MILR1: variants seen among roughly 807,000 people sequenced by gnomAD.
MILR1 encodes allergin-1.
In MILR1, 31 loss-of-function variants were observed where a neutral mutation model predicts 18.5. The ratio of observed to expected loss-of-function variants is 1.68; its 90% confidence interval spans 1.26 to 2.26. The LOEUF (loss-of-function observed/expected upper bound fraction) is 2.26. Among genes scored for constraint, MILR1 ranks in the 30% most tolerant of loss-of-function variants. The probability of loss-of-function intolerance (pLI) is 0.00; values close to 1 mark genes in which losing one functional copy is unlikely to be tolerated. For synonymous variants in MILR1, 85 were observed against 56.2 expected, an observed-to-expected ratio of 1.51 and a Z score of -2.30; for missense variants, 257 against 157.4, an observed-to-expected ratio of 1.63 and a Z score of -3.38.
the MILR1 span, chr17:64,483,004 G>A: frequency 6.4e-7 from 1 of 1,553,348 alleles, no homozygotes; most frequent in Non-Finnish European, 8.9e-7. Flanking sequence ...AAGTACCTAA[G>A]GCAATTAAAT....
At chr17:64,489,134 G>C in the MILR1 span, among the ~76,000 whole-genome samples, 1 of 149,414 alleles carries the variant, frequency 6.7e-6, no homozygotes, top group Non-Finnish European at 1.5e-5. Flanking sequence ...TGCTACAAAA[G>C]GTAAGGAAGT....
At position 64,466,653 on chromosome 17, in the gene MILR1, A is replaced by G. The variant is rs1555663344; in HGVS notation, c.970A>G (p.Arg324Gly). Residue 324 changes from arginine to glycine, a missense_variant, in exon 8 of 10, where the codon AGA (arginine) becomes GGA (glycine). Coordinates refer to ENST00000619286, the MANE Select transcript of MILR1 (RefSeq NM_001085423.2). The part of the protein sequence containing the change: ...ATPVFQEVAP[R>G]EQEACDSYKS... ...CCCCGTGTTCCAGGAGGTGGCACCA[A>G]GAGAGCAAGGTGAGCCACAGGTTGG... 1 of 1,607,718 alleles carries G rather than the reference A, an allele frequency of 6.2e-7. No individual in the cohort carries two copies. Among genetic ancestry groups the G allele is most frequent in the Admixed American group, 1.7e-5 (1 of 58,878 alleles).
the MILR1 span, chr17:64,482,870 A>G: frequency 3.7e-6 from 4 of 1,084,668 alleles, no homozygotes; most frequent in South Asian, 5.0e-5. Context: ...GCGTTTTTGG[A>G]TAATACTCAA....
downstream of MILR1, among the ~76,000 whole-genome samples, chr17:64,472,631 T>G (rs1555664818): frequency 6.6e-6 from 1 of 152,194 alleles, no homozygotes; most frequent in Admixed American, 6.5e-5. Flanking sequence ...TTAGACACAT[T>G]TAGATACACA....
At chr17:64,480,431 G>A in the MILR1 span, 1 of 921,406 alleles carries the variant, frequency 1.1e-6, no homozygotes. Context: ...AAGAAATAAT[G>A]GTAGCTAGAG....
the MILR1 span, chr17:64,481,248 T>C: frequency 1.0e-6 from 1 of 984,240 alleles, no homozygotes; most frequent in African/African-American, 1.7e-5. Context: ...TGCCATACCC[T>C]GGGAGAAAAT....
chr17:64,485,766 C>T, the MILR1 span: 1 of 1,613,316 alleles, frequency 6.2e-7, no homozygotes, highest in East Asian at 2.2e-5. Flanking sequence ...AAGGAGTTCT[C>T]TGTCAGCTGG....
the MILR1 span, among the ~76,000 whole-genome samples, chr17:64,493,379 T>C: frequency 1.3e-5 from 2 of 152,208 alleles, no homozygotes; most frequent in East Asian, 3.9e-4. Context: ...ATGGTGCCAC[T>C]GTGCTCCAGC....
downstream of MILR1, among the ~76,000 whole-genome samples, chr17:64,470,458 T>A (rs990337701): frequency 1.2e-4 from 18 of 152,182 alleles, no homozygotes; most frequent in Admixed American, 8.5e-4. Context: ...TGGTAAAAAA[T>A]TTTATGTTAT....
the MILR1 span, chr17:64,485,686 A>G: frequency 6.5e-7 from 1 of 1,528,094 alleles, no homozygotes; most frequent in South Asian, 1.1e-5. Flanking sequence ...ACAAACCCAT[A>G]TTTTTAGTTT....
chr17:64,485,560 T>C, the MILR1 span: 2 of 641,348 alleles, frequency 3.1e-6, no homozygotes, highest in Non-Finnish European at 2.7e-6. Context: ...TGTGAGAACC[T>C]GATTCTTATT....
chr17:64,475,917 G>A, the MILR1 span, among the ~76,000 whole-genome samples: 79 of 147,296 alleles, frequency 5.4e-4, no homozygotes, highest in Admixed American at 4.4e-3. Context: ...GGGTTCAAGC[G>A]ATTCTCCTGC....
At chr17:64,494,234 T>C in the MILR1 span, among the ~76,000 whole-genome samples, 1 of 152,348 alleles carries the variant, frequency 6.6e-6, no homozygotes, top group African/African-American at 2.4e-5. Context: ...ATTTGTCTGA[T>C]TGTTTCCTTA....
At chr17:64,491,393 G>A in the MILR1 span, 18 of 619,202 alleles carry the variant, frequency 2.9e-5, no homozygotes, top group Middle Eastern at 4.9e-4. Flanking sequence ...TTAGGACTTC[G>A]AGACCAGCCT....
At position 64,464,283 on chromosome 17, in the gene MILR1, A is replaced by AT. The variant is rs1296195048; in HGVS notation, c.764-1155dup. On this transcript the variant is annotated intron_variant, in intron 5 of 9. Coordinates refer to ENST00000619286, the MANE Select transcript of MILR1 (RefSeq NM_001085423.2). ...AGGCGCGCACCACCATGCCTGGCTA[A>AT]TTTTTTTTTTTTTTGTAGGTTTCAC... Among the ~76,000 whole-genome samples the AT allele has an allele frequency of 6.5e-3, 877 of 133,928 alleles. 10 individuals carry two copies. Among genetic ancestry groups the AT allele is most frequent in the African/African-American group, 0.017 (605 of 35,896 alleles). The allele number at this position is 133,928 out of a possible 152,430, so 87.9% of individuals were successfully genotyped here.
intron 4 of MILR1, 74 bp from the exon 5 acceptor site, chr17:64,460,748 C>T (rs2037413139): frequency 2.2e-6 from 1 of 463,430 alleles, no homozygotes; most frequent in South Asian, 7.1e-5. Context: ...ATCACCTTTT[C>T]TAAAACACTT....
chr17:64,496,501 G>A, the MILR1 span: 1 of 1,613,026 alleles, frequency 6.2e-7, no homozygotes, highest in African/African-American at 1.3e-5. Context: ...TGTCTTGCAA[G>A]ATTTCGCGTA....
chr17:64,463,186 T>G lies in MILR1; in HGVS notation c.763+2254T>G, dbSNP rs982778443. ...AGTTACAGCTTTTTTAAAAAAATGT[T>G]TTTTAGAGACGGGGTCTCACTGTGT... On this transcript the variant is annotated intron_variant, in intron 5 of 9. Transcript: ENST00000619286. 1.7e-3 allele frequency among the ~76,000 whole-genome samples: 264 copies of G among 152,176 alleles called. 1 individual carries two copies. The highest frequency in any genetic ancestry group is 6.2e-3 in the African/African-American group (257 of 41,530).
chr17:64,455,282 G>C (rs1194266292), intron 3 of MILR1, among the ~76,000 whole-genome samples: 4 of 152,070 alleles, frequency 2.6e-5, no homozygotes, highest in Non-Finnish European at 4.4e-5. Context: ...TTATAAAACT[G>C]TATCATCTTC....
Sources: gnomAD v4.1 joint callset for allele counts (sites outside exome capture counted in the v4.1 genomes callset) on GRCh38, gnomAD v4.1.1 for gene constraint, MANE v1.5 for transcripts, NCBI Gene and HGNC (gene_info 2026-07-23, HGNC 2026-07-21) for gene names.